The following CRISP1 variants were observed in gnomAD, a reference collection of about 807,000 sequenced individuals.
CRISP1 encodes the protein cysteine rich secretory protein 1.
In CRISP1, 44 loss-of-function variants were observed where a neutral mutation model predicts 33.1. The ratio of observed to expected loss-of-function variants is 1.33; its 90% CI spans 1.05 to 1.71. The LOEUF is 1.71. Among genes scored for constraint, CRISP1 ranks in the 40% most tolerant of loss-of-function variants. The pLI is 0.00. For synonymous variants in CRISP1, 103 were observed against 98.7 expected (o/e 1.04, Z -0.26); for missense variants, 390 against 301.2 (o/e 1.29, Z -2.18).
At chr6:49,869,461 A>G (rs982036555), upstream of CRISP1, among the ~76,000 whole-genome samples, 4 of 152,142 alleles carry the variant, frequency 2.6e-5, no homozygotes, top group African/African-American at 9.7e-5. Flanking sequence ...GTCTAGCTCT[A>G]ATTCGATTAA....
chr6:49,876,107 T>A (rs1272403032), intron 1 of CRISP1, among the ~76,000 whole-genome samples: 1 of 150,060 alleles, frequency 6.7e-6, no homozygotes, highest in African/African-American at 2.4e-5. Context: ...GAGTGAATAG[T>A]CTACAGAATG....
chr6:49,862,913 G>A (rs1317266187), intron 1 of CRISP1, among the ~76,000 whole-genome samples: 3 of 151,836 alleles, frequency 2.0e-5, no homozygotes, highest in Non-Finnish European at 4.4e-5. Context: ...GAGGGTAAAA[G>A]TTAATAATTC....
chr6:49,844,290 G>C (rs1582261817), intron 5 of CRISP1, among the ~76,000 whole-genome samples: 1 of 152,258 alleles, frequency 6.6e-6, no homozygotes, highest in East Asian at 1.9e-4. Context: ...GAACTAAAGT[G>C]GACAGAGAAA....
chr6:49,870,450 G>A (rs540104667), upstream of CRISP1, among the ~76,000 whole-genome samples: 1 of 152,080 alleles, frequency 6.6e-6, no homozygotes, highest in South Asian at 2.1e-4. Flanking sequence ...GGAAAGTGAG[G>A]GAGCTGTGTG....
intron 3 of CRISP1, among the ~76,000 whole-genome samples, chr6:49,850,262 A>T (rs1771310126): frequency 2.0e-5 from 3 of 152,086 alleles, no homozygotes; most frequent in African/African-American, 7.2e-5. Context: ...ATAAAATAAA[A>T]TAAAAAAAGA....
chr6:49,845,126 A>T (rs7743320), intron 5 of CRISP1, among the ~76,000 whole-genome samples: 36,621 of 152,034 alleles, frequency 0.24, 4,805 homozygotes, highest in Admixed American at 0.36. Context: ...CATCCAGTGT[A>T]GCTGTATCTG....
chr6:49,852,132 G>A lies in CRISP1; in HGVS notation c.67-3C>T. ...AATTGGTCTCTAGCTGATTTCTTCT[G>A]TTACCAGAAAAATATTAATTAGTGT... On this transcript the variant is annotated splice_region_variant and splice_polypyrimidine_tract_variant and intron_variant, in intron 2 of 7. Transcript: ENST00000335847. 1 of 1,608,932 alleles carries A rather than the reference G, an allele frequency of 6.2e-7. No homozygotes were observed.
rs111707087 is a variant in CRISP1, at chr6:49,863,566, A to G, written c.-3+2863T>C. 7.7e-3 allele frequency among the ~76,000 whole-genome samples: 1,167 copies of G among 152,340 alleles called. 14 individuals are homozygous for G. Among genetic ancestry groups the G allele is most frequent in the African/African-American group, 0.026 (1,079 of 41,586 alleles). On this transcript the variant is annotated intron_variant, in intron 1 of 7. Transcript: ENST00000335847. ...ACCAGCAACTTGATACATTATTTAAATGTATTTCTTTACCCTTTAGTTTCA... is the reference window on the plus strand; with the variant it reads ...ACCAGCAACTTGATACATTATTTAAGTGTATTTCTTTACCCTTTAGTTTCA...
At chr6:49,836,581 C>T (rs1248979427) in intron 7 of CRISP1, among the ~76,000 whole-genome samples, 1 of 151,974 alleles carries the variant, frequency 6.6e-6, no homozygotes, top group East Asian at 1.9e-4. Context: ...CCTCGTGATC[C>T]GCCCGCCTCG....
chr6:49,855,065 A>C (rs1156870508), intron 2 of CRISP1, among the ~76,000 whole-genome samples: 1 of 152,074 alleles, frequency 6.6e-6, no homozygotes, highest in African/African-American at 2.4e-5. Context: ...TCTTTTGACT[A>C]AACTTTCAGT....
At chr6:49,865,615 G>A (rs964933200) in intron 1 of CRISP1, among the ~76,000 whole-genome samples, 2 of 152,164 alleles carry the variant, frequency 1.3e-5, no homozygotes, top group African/African-American at 4.8e-5. Flanking sequence ...CTAAAGGTAA[G>A]ATTTCCATAA....
At chr6:49,857,442 C>A in intron 1 of CRISP1, 40 bp from the exon 2 acceptor site, 2 of 1,548,786 alleles carry the variant, frequency 1.3e-6, no homozygotes, top group South Asian at 1.1e-5. Context: ...ATTCTCAATT[C>A]ATGGGATAAC....
chr6:49,870,944 T>C (rs1035521309), upstream of CRISP1, among the ~76,000 whole-genome samples: 5 of 151,764 alleles, frequency 3.3e-5, no homozygotes, highest in Non-Finnish European at 7.4e-5. Context: ...CTACTAAAAA[T>C]ACAAAAATTA....
chr6:49,846,424 A>T, intron 5 of CRISP1, 96 bp downstream of exon 5: 3 of 1,272,684 alleles, frequency 2.4e-6, no homozygotes, highest in Non-Finnish European at 3.3e-6. Context: ...AGATTGCCAT[A>T]AGAAGGTAGA....
At chr6:49,853,654 A>G (rs1360369247) in intron 2 of CRISP1, among the ~76,000 whole-genome samples, 1 of 152,084 alleles carries the variant, frequency 6.6e-6, no homozygotes, top group South Asian at 2.1e-4. Context: ...AGCCATTCTG[A>G]CTGTTCTTTA....
At chr6:49,868,308 A>G (rs1449466986), upstream of CRISP1, among the ~76,000 whole-genome samples, 3 of 152,186 alleles carry the variant, frequency 2.0e-5, no homozygotes, top group African/African-American at 7.2e-5. Context: ...GCTTTTTAGC[A>G]TAGTAGGAAA....
Position 49,841,736 on chromosome 6 carries a change from G to A in CRISP1, c.436-741C>T, listed in dbSNP as rs75879835. 7.0e-3 allele frequency among the ~76,000 whole-genome samples: 1,073 copies of A among 152,270 alleles called. 16 individuals are homozygous for A. Among genetic ancestry groups the A allele is most frequent in the African/African-American group, 0.025 (1,045 of 41,556 alleles). ...GAACAGGCATACTGTAGAGTACTGA[G>A]TTGGTTTTTGAGGAAAAGTGAGCCA... On this transcript the variant is annotated intron_variant, in intron 5 of 7. Coordinates refer to ENST00000335847, the MANE Select transcript of CRISP1 (RefSeq NM_001131.3).
At chr6:49,856,174 A>G (rs375612892) in intron 2 of CRISP1, among the ~76,000 whole-genome samples, 2 of 152,064 alleles carry the variant, frequency 1.3e-5, no homozygotes, top group East Asian at 3.9e-4. Flanking sequence ...TTAACTAGTG[A>G]TACTAATTTC....
At chr6:49,863,716 T>C (rs1174699594) in intron 1 of CRISP1, among the ~76,000 whole-genome samples, 2 of 152,202 alleles carry the variant, frequency 1.3e-5, no homozygotes, top group Non-Finnish European at 2.9e-5. Flanking sequence ...TGGCATGCCC[T>C]GGGGAATGCA....
Sources: allele counts gnomAD v4.1 joint callset (sites outside exome capture counted in the v4.1 genomes callset), GRCh38; gene constraint gnomAD v4.1.1; transcripts MANE v1.5; gene names NCBI Gene and HGNC (gene_info 2026-07-23, HGNC 2026-07-21).